DLC1: variants seen among roughly 807,000 people sequenced by gnomAD.
DLC1 encodes the protein DLC1 Rho GTPase activating protein, also known as rho GTPase-activating protein 7.
A neutral mutation model predicts 140.3 loss-of-function variants in DLC1; 54 were observed. The observed-to-expected ratio is 0.38, with a 90% CI of 0.31 to 0.48. DLC1 has a LOEUF of 0.48. Among genes scored for constraint, DLC1 ranks in the 20% least tolerant of loss-of-function variants. The probability of loss-of-function intolerance (pLI) is 0.96; values close to 1 mark genes in which losing one functional copy is unlikely to be tolerated. For synonymous variants in DLC1, 986 were observed against 728.1 expected (o/e 1.35, Z -5.70); for missense variants, 2,536 against 1,907.0 (o/e 1.33, Z -6.14).
At chr8:13,184,511 T>C (rs574401101) in intron 5 of DLC1, among the ~76,000 whole-genome samples, 1 of 152,206 alleles carries the variant, frequency 6.6e-6, no homozygotes, top group African/African-American at 2.4e-5. Context: ...TTTGTTCTCA[T>C]TGGGTTCAAA....
At chr8:13,511,349 T>A (rs372287645) in intron 1 of DLC1, among the ~76,000 whole-genome samples, 17 of 152,046 alleles carry the variant, frequency 1.1e-4, no homozygotes, top group East Asian at 5.8e-4. Flanking sequence ...TGAGTCACTG[T>A]TTAATCTTTT....
At chr8:13,461,743 C>G (rs1043096526) in intron 2 of DLC1, among the ~76,000 whole-genome samples, 7 of 152,194 alleles carry the variant, frequency 4.6e-5, no homozygotes, top group Non-Finnish European at 8.8e-5. Context: ...GATTCAATGA[C>G]TTACCCACCC....
At chr8:13,301,710 C>G (rs1242304590) in intron 5 of DLC1, among the ~76,000 whole-genome samples, 1 of 152,180 alleles carries the variant, frequency 6.6e-6, no homozygotes, top group Non-Finnish European at 1.5e-5. Context: ...CTGTTAGGAA[C>G]CAGGCTGCAC....
intron 4 of DLC1, among the ~76,000 whole-genome samples, chr8:13,384,306 C>A (rs1483390714): frequency 1.4e-5 from 2 of 146,228 alleles, no homozygotes; most frequent in African/African-American, 2.5e-5. Context: ...AGAACACTCC[C>A]ACCCCACAAT....
chr8:13,255,611 A>G (rs981436565), intron 5 of DLC1, among the ~76,000 whole-genome samples: 1 of 152,178 alleles, frequency 6.6e-6, no homozygotes, highest in African/African-American at 2.4e-5. Flanking sequence ...ATGACTCTGG[A>G]TTTGTTGACC....
intron 5 of DLC1, among the ~76,000 whole-genome samples, chr8:13,301,221 G>GAA (rs756672839): frequency 2.2e-5 from 3 of 135,152 alleles, no homozygotes; most frequent in African/African-American, 5.6e-5. Flanking sequence ...CAGTCTAATA[G>GAA]ACAAAAAAAA....
rs150074505 is a variant in DLC1 at position 13,406,415 on chromosome 8, T to C, written c.1024-4796A>G. On this transcript the variant is annotated intron_variant, in intron 2 of 17. Coordinates refer to ENST00000276297, the MANE Select transcript of DLC1 (RefSeq NM_182643.3). ...GTTTCAGAGGAAGCAACCTATTTCA[T>C]ATTTGTGCAGCTATAAATTTTAAAA... Among the ~76,000 whole-genome samples the C allele has an allele frequency of 8.7e-4, 133 of 152,274 alleles. 1 individual carries two copies. Among genetic ancestry groups the C allele is most frequent in the African/African-American group, 3.2e-3 (131 of 41,568 alleles).
At chr8:13,119,190 T>C (rs545249961) in intron 5 of DLC1, among the ~76,000 whole-genome samples, 3 of 146,906 alleles carry the variant, frequency 2.0e-5, no homozygotes, top group Non-Finnish European at 4.4e-5. Context: ...ACCACACTAC[T>C]GCATTCCAAC....
At chr8:13,134,300 C>G (rs537577934) in intron 5 of DLC1, among the ~76,000 whole-genome samples, 1 of 152,288 alleles carries the variant, frequency 6.6e-6, no homozygotes, top group African/African-American at 2.4e-5. Flanking sequence ...GACTACTGAA[C>G]TAAACTCATT....
At chr8:13,194,345 C>G (rs905275629) in intron 5 of DLC1, among the ~76,000 whole-genome samples, 6 of 152,202 alleles carry the variant, frequency 3.9e-5, no homozygotes, top group African/African-American at 1.4e-4. Flanking sequence ...GCTGAGTGGG[C>G]AGCTATGAAT....
intron 1 of DLC1, among the ~76,000 whole-genome samples, chr8:13,525,623 C>T (rs115641303): frequency 1.3e-5 from 2 of 152,134 alleles, no homozygotes; most frequent in Non-Finnish European, 2.9e-5. Flanking sequence ...TATTTGTCAG[C>T]ATATATTTGA....
chr8:13,234,033 C>T (rs17188488), intron 5 of DLC1, among the ~76,000 whole-genome samples: 2 of 152,070 alleles, frequency 1.3e-5, no homozygotes, highest in African/African-American at 2.4e-5. Flanking sequence ...ACAGAGTATG[C>T]ACAAGTCCAT....
chr8:13,569,262 A>C (rs962198381), intron 1 of DLC1, among the ~76,000 whole-genome samples: 4 of 152,208 alleles, frequency 2.6e-5, no homozygotes, highest in Non-Finnish European at 5.9e-5. Flanking sequence ...TATCTCAGTG[A>C]AAAAGAAATT....
At chr8:13,272,604 G>A (rs1238707582) in intron 5 of DLC1, among the ~76,000 whole-genome samples, 1 of 152,200 alleles carries the variant, frequency 6.6e-6, no homozygotes. Context: ...GCTCATGCCT[G>A]TAATCCCAGC....
At chr8:13,568,257 G>A (rs1804527503) in intron 1 of DLC1, 1 of 245,656 alleles carries the variant, frequency 4.1e-6, no homozygotes, top group East Asian at 9.9e-5. Flanking sequence ...TGGCTATGGG[G>A]AATTAATAAA....
At chr8:13,192,255 T>C (rs1826799976) in intron 5 of DLC1, among the ~76,000 whole-genome samples, 1 of 150,270 alleles carries the variant, frequency 6.7e-6, no homozygotes. Context: ...CCAGCCAGCC[T>C]GATTATTCTT....
chr8:13,198,622 A>T (rs1237513564), intron 5 of DLC1, among the ~76,000 whole-genome samples: 1 of 152,090 alleles, frequency 6.6e-6, no homozygotes, highest in Non-Finnish European at 1.5e-5. Context: ...CAAAATGGAA[A>T]ATGTTGCTTA....
intron 2 of DLC1, among the ~76,000 whole-genome samples, chr8:13,451,386 CTT>C (rs764006385): frequency 3.0e-4 from 45 of 152,176 alleles, no homozygotes; most frequent in Non-Finnish European, 5.7e-4. Flanking sequence ...CAATTACACT[CTT>C]TTAGTTATTT....
chr8:13,393,474 T>C (rs776785998), intron 4 of DLC1, 79 bp downstream of exon 4: 51 of 1,432,872 alleles, frequency 3.6e-5, no homozygotes, highest in Non-Finnish European at 4.5e-5. Context: ...ATTTCTTCTA[T>C]ATCGAATGAA....
Sources: allele counts gnomAD v4.1 joint callset (sites outside exome capture counted in the v4.1 genomes callset), GRCh38; gene constraint gnomAD v4.1.1; transcripts MANE v1.5; gene names NCBI Gene and HGNC (gene_info 2026-07-23, HGNC 2026-07-21).